SCAPER: variants seen among roughly 807,000 people sequenced by gnomAD.
SCAPER encodes the protein S phase cyclin A-associated protein in the endoplasmic reticulum.
SCAPER carries 98 observed loss-of-function variants against 182.2 expected under a neutral mutation model. That is an observed-to-expected ratio of 0.54 (90% CI 0.46 to 0.64). The LOEUF is 0.64. Ranked by LOEUF, SCAPER falls within the 30% of genes least tolerant of loss-of-function variation. SCAPER has a pLI of 0.00. For synonymous variants in SCAPER, 605 were observed against 564.6 expected, an observed-to-expected ratio of 1.07 and a Z score of -1.01; for missense variants, 1,432 against 1,690.0, an observed-to-expected ratio of 0.85 and a Z score of 2.68.
intron 17 of SCAPER, among the ~76,000 whole-genome samples, chr15:76,719,306 G>C (rs2060064723): frequency 6.6e-6 from 1 of 152,148 alleles, no homozygotes; most frequent in Non-Finnish European, 1.5e-5. Flanking sequence ...AATATTGCAT[G>C]ATCTCACTTA....
chr15:76,884,022 A>G (rs1001290515), intron 1 of SCAPER, 146 bp from the exon 2 acceptor site: 70 of 513,442 alleles, frequency 1.4e-4, no homozygotes, highest in South Asian at 2.1e-4. Flanking sequence ...GGGGTATAAT[A>G]TAGCATGCTT....
intron 23 of SCAPER, among the ~76,000 whole-genome samples, chr15:76,556,275 A>T: frequency 6.6e-6 from 1 of 152,136 alleles, no homozygotes; most frequent in East Asian, 1.9e-4. Flanking sequence ...AAAGCAGTGT[A>T]AGAGGGAAGT....
chr15:76,504,961 T>C lies in SCAPER; in HGVS notation c.2852A>G (p.Gln951Arg), dbSNP rs1411377523. The C allele has an allele frequency of 6.2e-6, 10 of 1,611,848 alleles. No individual in the cohort carries two copies. The highest frequency in any genetic ancestry group is 3.3e-5 in the South Asian group (3 of 90,420). The change falls in exon 24 of 32, where the codon CAG (glutamine) becomes CGG (arginine). Residue 951 changes from glutamine to arginine, a missense_variant. Physicochemically the swap from Gln to Arg is conservative, Grantham distance 43. Coordinates refer to ENST00000563290, the MANE Select transcript of SCAPER (RefSeq NM_020843.4). ...RILEKENVAD[Q>R]IAFQAAGGLT... is the part of the protein sequence containing the mutation. ...TCCACCAGCAGCTTGAAATGCAATC[T>C]GATCTGCCACATTCTAGACAGAAAT...
rs1028677302 is a variant in SCAPER at position 76,854,882 on chromosome 15, G to A, written c.195+2927C>T. On this transcript the variant is annotated intron_variant, in intron 4 of 31. Transcript: ENST00000563290. The stretch of plus-strand genomic sequence containing the variant: ...AGCTACTTGGGAGGCTGAGGTAGGA[G>A]AATGGCCTGAACCCAGGAGATGGAG... Among the ~76,000 whole-genome samples the A allele has an allele frequency of 1.5e-4, 22 of 150,906 alleles. 1 individual carries two copies. The highest frequency in any genetic ancestry group is 1.1e-3 in the Admixed American group (17 of 15,096).
At chr15:76,503,372 T>C (rs2041308918) in intron 24 of SCAPER, among the ~76,000 whole-genome samples, 1 of 152,132 alleles carries the variant, frequency 6.6e-6, no homozygotes, top group Non-Finnish European at 1.5e-5. Flanking sequence ...GATGGGGAGC[T>C]TTCTGCTCCA....
At chr15:76,450,042 A>G (rs932482825) in intron 25 of SCAPER, among the ~76,000 whole-genome samples, 6 of 152,232 alleles carry the variant, frequency 3.9e-5, no homozygotes, top group Non-Finnish European at 8.8e-5. Context: ...TATGTAAACA[A>G]ATGCTGTATT....
chr15:76,847,627 A>G (rs1371754811), intron 4 of SCAPER, among the ~76,000 whole-genome samples: 1 of 152,222 alleles, frequency 6.6e-6, no homozygotes, highest in Non-Finnish European at 1.5e-5. Context: ...TTAATTTTTA[A>G]AGCAGTTCCT....
At chr15:76,555,044 G>C (rs1417560835) in intron 23 of SCAPER, among the ~76,000 whole-genome samples, 1 of 152,106 alleles carries the variant, frequency 6.6e-6, no homozygotes, top group Non-Finnish European at 1.5e-5. Context: ...GCCTCCCAAA[G>C]TGCTAGGATT....
intron 22 of SCAPER, among the ~76,000 whole-genome samples, chr15:76,617,726 G>A (rs1195974663): frequency 1.3e-5 from 2 of 152,156 alleles, no homozygotes; most frequent in Non-Finnish European, 2.9e-5. Context: ...GCTAAGGCTT[G>A]GAAGTCACAT....
intron 25 of SCAPER, among the ~76,000 whole-genome samples, chr15:76,446,821 C>T (rs1037110215): frequency 3.3e-5 from 5 of 152,178 alleles, no homozygotes; most frequent in Non-Finnish European, 7.3e-5. Context: ...CATGGTTCAA[C>T]TTATGATTTT....
intron 23 of SCAPER, among the ~76,000 whole-genome samples, chr15:76,541,226 A>AT (rs143258686): frequency 0.37 from 56,467 of 151,694 alleles, 12,412 homozygotes; most frequent in Middle Eastern, 0.52. Flanking sequence ...TTTATTAAAA[A>AT]ATATATATCT....
At chr15:76,587,512 A>G (rs1189473067) in intron 22 of SCAPER, among the ~76,000 whole-genome samples, 1 of 152,154 alleles carries the variant, frequency 6.6e-6, no homozygotes, top group Non-Finnish European at 1.5e-5. Context: ...AGAATATTTA[A>G]ATTTCCATCT....
At chr15:76,883,782 A>G in intron 2 of SCAPER, 30 bp downstream of exon 2, 1 of 1,490,478 alleles carries the variant, frequency 6.7e-7, no homozygotes, top group East Asian at 2.4e-5. Flanking sequence ...AGGCAAAAAA[A>G]CTAAGGCTAG....
chr15:76,626,900 C>T (rs181650208), intron 21 of SCAPER, among the ~76,000 whole-genome samples: 1 of 152,162 alleles, frequency 6.6e-6, no homozygotes, highest in East Asian at 1.9e-4. Flanking sequence ...CAATGCTGAA[C>T]GTAGGAAAAA....
chr15:76,872,458 G>C (rs2072793759), intron 2 of SCAPER, among the ~76,000 whole-genome samples: 1 of 152,016 alleles, frequency 6.6e-6, no homozygotes, highest in Non-Finnish European at 1.5e-5. Flanking sequence ...GAGAGGATAA[G>C]AGCTCATTAC....
chr15:76,555,969 C>A (rs752036034), intron 23 of SCAPER, among the ~76,000 whole-genome samples: 5 of 152,096 alleles, frequency 3.3e-5, no homozygotes, highest in Admixed American at 2.0e-4. Context: ...GGAAAACTGA[C>A]CACACAATCA....
chr15:76,697,184 T>C (rs2058696190), intron 20 of SCAPER, among the ~76,000 whole-genome samples: 1 of 152,200 alleles, frequency 6.6e-6, no homozygotes, highest in Non-Finnish European at 1.5e-5. Flanking sequence ...AGAACAAGTA[T>C]GTTTACTATA....
chr15:76,563,099 A>C (rs770106753), intron 23 of SCAPER, among the ~76,000 whole-genome samples: 2 of 152,202 alleles, frequency 1.3e-5, no homozygotes, highest in Non-Finnish European at 2.9e-5. Flanking sequence ...AGTCAAATTA[A>C]TAGTTTATCA....
intron 8 of SCAPER, among the ~76,000 whole-genome samples, chr15:76,787,443 G>A (rs1225393423): frequency 1.3e-5 from 2 of 151,928 alleles, no homozygotes; most frequent in African/African-American, 2.4e-5. Flanking sequence ...GGAATGCGGC[G>A]ATCCTCCAGA....
Sources: allele counts gnomAD v4.1 joint callset (sites outside exome capture counted in the v4.1 genomes callset), GRCh38; gene constraint gnomAD v4.1.1; transcripts MANE v1.5; gene names NCBI Gene and HGNC (gene_info 2026-07-23, HGNC 2026-07-21).